Variants in GNAO1 observed in about 807,000 individuals in gnomAD.
GNAO1 encodes the protein G protein subunit alpha o1.
For synonymous variants in GNAO1, 164 were observed against 180.7 expected (o/e 0.91, Z 0.74); for missense variants, 166 against 478.7 (o/e 0.35, Z 6.10).
intron 2 of GNAO1, among the ~76,000 whole-genome samples, chr16:56,244,729 G>A (rs538904297): frequency 6.6e-6 from 1 of 152,128 alleles, no homozygotes; most frequent in African/African-American, 2.4e-5. Context: ...CCTGTGGCAG[G>A]CCCAAGCTAA....
rs76254799 is a variant in GNAO1 at position 56,236,199 on chromosome 16, G to A, written c.162-39732G>A. ...TTAGTCTGCTGTGGGGAGAAGAAGTGAGTGGTGTGGGCAATTCTGGCTGAA... is the reference window on the plus strand; with the variant it reads ...TTAGTCTGCTGTGGGGAGAAGAAGTAAGTGGTGTGGGCAATTCTGGCTGAA... On this transcript the variant is annotated intron_variant, in intron 2 of 8. Coordinates refer to ENST00000262493, the MANE Select transcript of GNAO1 (RefSeq NM_020988.3). 1.2e-3 allele frequency among the ~76,000 whole-genome samples: 186 copies of A among 152,328 alleles called. 2 individuals carry two copies. The East Asian group carries it at 0.032, about 26-fold the overall frequency.
At chr16:56,319,216 C>T (rs1002180441) in intron 3 of GNAO1, among the ~76,000 whole-genome samples, 4 of 152,176 alleles carry the variant, frequency 2.6e-5, no homozygotes, top group Non-Finnish European at 5.9e-5. Flanking sequence ...AAGAATATAC[C>T]TGGGCTTTTC....
At chr16:56,262,789 G>A (rs1250466626) in intron 2 of GNAO1, among the ~76,000 whole-genome samples, 1 of 152,128 alleles carries the variant, frequency 6.6e-6, no homozygotes. Flanking sequence ...TTAGATCTAG[G>A]CAGTAAAATT....
In GNAO1 at chr16:56,289,566, A is replaced by C. The variant is rs534179791; in HGVS notation, c.303+13494A>C. Among the ~76,000 whole-genome samples, 15 of 152,312 alleles carry C rather than the reference A, an allele frequency of 9.8e-5. No individual in the cohort carries two copies. The East Asian group carries it at 2.9e-3, about 29-fold the overall frequency. On this transcript the variant is annotated intron_variant, in intron 3 of 8. Coordinates refer to ENST00000262493, the MANE Select transcript of GNAO1 (RefSeq NM_020988.3). ...ACGCAGGAGATGAGCGGCCCCATGC[A>C]AAGCTGTCAGTTTTAGTCTGATCAG... is the stretch of plus-strand genomic sequence containing the variant.
At chr16:56,276,234 A>T in intron 3 of GNAO1, 162 bp downstream of exon 3, 2 of 534,818 alleles carry the variant, frequency 3.7e-6, no homozygotes, top group Non-Finnish European at 6.2e-6. Flanking sequence ...CATTGCATCC[A>T]CCCCTCTGGC....
intron 6 of GNAO1, among the ~76,000 whole-genome samples, chr16:56,348,748 G>T (rs1284236626): frequency 6.6e-6 from 1 of 152,182 alleles, no homozygotes; most frequent in Non-Finnish European, 1.5e-5. Context: ...GCTGGCAGGG[G>T]TCTCAGTGCC....
intron 2 of GNAO1, among the ~76,000 whole-genome samples, chr16:56,249,251 A>G (rs2036777121): frequency 6.6e-6 from 1 of 152,006 alleles, no homozygotes; most frequent in Admixed American, 6.5e-5. Flanking sequence ...AATGGGGGGG[A>G]ACAAGTTTGG....
chr16:56,263,356 C>T lies in GNAO1; in HGVS notation c.162-12575C>T, dbSNP rs367895512. 6.6e-5 allele frequency among the ~76,000 whole-genome samples: 10 copies of T among 152,332 alleles called. No homozygotes were observed. The East Asian group carries it at 9.6e-4, about 15-fold the overall frequency. The stretch of plus-strand genomic sequence containing the variant: ...ATTCATCCAGCATTGATTGATCATT[C>T]GCCATGTACCAAGCTCTGCCCTGGG... On this transcript the variant is annotated intron_variant, in intron 2 of 8. Coordinates refer to ENST00000262493, the MANE Select transcript of GNAO1 (RefSeq NM_020988.3).
chr16:56,273,296 T>C (rs2037034474), intron 2 of GNAO1, among the ~76,000 whole-genome samples: 1 of 152,214 alleles, frequency 6.6e-6, no homozygotes, highest in Non-Finnish European at 1.5e-5. Context: ...ATCTTCTGTA[T>C]GTCTAATCTG....
At chr16:56,299,787 G>A (rs1467934083) in intron 3 of GNAO1, among the ~76,000 whole-genome samples, 1 of 152,138 alleles carries the variant, frequency 6.6e-6, no homozygotes, top group African/African-American at 2.4e-5. Flanking sequence ...TCATCTTCAG[G>A]AGGATGGAAA....
intron 6 of GNAO1, among the ~76,000 whole-genome samples, chr16:56,349,336 G>A (rs532442653): frequency 1.3e-5 from 2 of 152,324 alleles, no homozygotes; most frequent in Non-Finnish European, 2.9e-5. Flanking sequence ...GCAGGCCAAG[G>A]TGGCTCTGTG....
intron 2 of GNAO1, among the ~76,000 whole-genome samples, chr16:56,257,538 G>A (rs1252449523): frequency 6.6e-6 from 1 of 152,042 alleles, no homozygotes; most frequent in African/African-American, 2.4e-5. Flanking sequence ...TGTGCATCTT[G>A]TTGGGTCCTT....
intron 3 of GNAO1, among the ~76,000 whole-genome samples, chr16:56,288,621 T>A (rs1331434185): frequency 6.6e-6 from 1 of 152,174 alleles, no homozygotes; most frequent in African/African-American, 2.4e-5. Flanking sequence ...GTCACTCAGC[T>A]CTGATAGCAA....
intron 6 of GNAO1, among the ~76,000 whole-genome samples, chr16:56,349,848 G>C (rs1267566146): frequency 6.6e-6 from 1 of 152,226 alleles, no homozygotes; most frequent in South Asian, 2.1e-4. Context: ...GCACGGGGGA[G>C]ATACTGAAGG....
chr16:56,215,155 C>A (rs939513300), intron 2 of GNAO1, among the ~76,000 whole-genome samples: 1 of 152,170 alleles, frequency 6.6e-6, no homozygotes, highest in East Asian at 1.9e-4. Context: ...CTCCAAGGGC[C>A]GCTCAAGTCT....
At chr16:56,304,284 C>A (rs2037372503) in intron 3 of GNAO1, among the ~76,000 whole-genome samples, 1 of 152,244 alleles carries the variant, frequency 6.6e-6, no homozygotes, top group Admixed American at 6.5e-5. Context: ...TACTGAGGGC[C>A]TGTGTTCTCT....
chr16:56,329,277 A>T (rs2037665671), intron 4 of GNAO1: 1 of 152,876 alleles, frequency 6.5e-6, no homozygotes, highest in South Asian at 2.1e-4. Flanking sequence ...AAGTCTAATT[A>T]ATATAATAAA....
At chr16:56,219,601 A>C (rs1310515153) in intron 2 of GNAO1, among the ~76,000 whole-genome samples, 2 of 152,098 alleles carry the variant, frequency 1.3e-5, no homozygotes, top group Non-Finnish European at 2.9e-5. Flanking sequence ...AGAAAAAGAG[A>C]CTAATGCACA....
At chr16:56,212,864 A>G (rs2036403091) in intron 2 of GNAO1, among the ~76,000 whole-genome samples, 2 of 152,242 alleles carry the variant, frequency 1.3e-5, no homozygotes, top group Admixed American at 1.3e-4. Context: ...ATGAACTATC[A>G]TTTCTGACAA....
Sources: allele counts gnomAD v4.1 joint callset (sites outside exome capture counted in the v4.1 genomes callset), GRCh38; gene constraint gnomAD v4.1.1; transcripts MANE v1.5; gene names NCBI Gene and HGNC (gene_info 2026-07-23, HGNC 2026-07-21).